Variants in EPHA5 observed in about 807,000 individuals in gnomAD.
EPHA5 encodes ephrin type-A receptor 5.
Under a neutral mutation model 105.0 loss-of-function variants are expected in EPHA5, and 60 were observed. That is an observed-to-expected ratio of 0.57 (90% CI 0.46 to 0.71). EPHA5 has a LOEUF of 0.71. Among genes scored for constraint, EPHA5 ranks in the 30% least tolerant of loss-of-function variants. The pLI is 0.00. For synonymous variants in EPHA5, 513 were observed against 449.1 expected (o/e 1.14, Z -1.80); for missense variants, 1,218 against 1,274.7 (o/e 0.96, Z 0.68).
At chr4:65,388,755 T>G (rs1290737691) in intron 8 of EPHA5, among the ~76,000 whole-genome samples, 1 of 149,170 alleles carries the variant, frequency 6.7e-6, no homozygotes, top group Non-Finnish European at 1.5e-5. Flanking sequence ...TTTCTCCCAT[T>G]TTGTAGGTTG....
chr4:65,420,417 C>A (rs746274870), intron 6 of EPHA5, 24 bp downstream of exon 6: 34 of 1,527,388 alleles, frequency 2.2e-5, no homozygotes, highest in Non-Finnish European at 2.9e-5. Context: ...AAAGTGAGGA[C>A]ATTTTTTATT....
intron 8 of EPHA5, among the ~76,000 whole-genome samples, chr4:65,386,676 C>T (rs1162426886): frequency 6.6e-6 from 1 of 151,696 alleles, no homozygotes. Flanking sequence ...TTTTTAATTG[C>T]TCATATAAAT....
At chr4:65,365,659 A>ATCTATATATATATC (rs1560457940) in intron 10 of EPHA5, among the ~76,000 whole-genome samples, 1 of 81,096 alleles carries the variant, frequency 1.2e-5, no homozygotes, top group Non-Finnish European at 2.8e-5. Context: ...CTATATATAT[A>ATCTATATATATATC]TATATATATA....
chr4:65,563,866 T>A (rs563898123), intron 3 of EPHA5, among the ~76,000 whole-genome samples: 10 of 151,966 alleles, frequency 6.6e-5, no homozygotes, highest in Non-Finnish European at 1.5e-4. Context: ...ATCAATAGTA[T>A]GTGTTCAGAA....
chr4:65,553,356 AC>A, intron 3 of EPHA5, among the ~76,000 whole-genome samples: 1 of 152,192 alleles, frequency 6.6e-6, no homozygotes, highest in South Asian at 2.1e-4. Flanking sequence ...GAAGAATGAT[AC>A]CTTGAAGGAC....
In EPHA5 at chr4:65,564,912, C is replaced by T. The variant is rs149004531; in HGVS notation, c.910+36729G>A. On this transcript the variant is annotated intron_variant, in intron 3 of 16. Coordinates refer to ENST00000613740, the MANE Select transcript of EPHA5 (RefSeq NM_001281766.3). ...ATGGAAATAAATTTCAAAATACTTT[C>T]ACTGTTAATTTATGACCTAATTTTA... Among the ~76,000 whole-genome samples the T allele has an allele frequency of 5.3e-4, 81 of 151,808 alleles. 2 individuals carry two copies. The East Asian group carries it at 0.013, about 24-fold the overall frequency.
chr4:65,457,554 G>A (rs1436682408), intron 5 of EPHA5, among the ~76,000 whole-genome samples: 1 of 151,934 alleles, frequency 6.6e-6, no homozygotes, highest in East Asian at 1.9e-4. Flanking sequence ...TTGCTTAAAG[G>A]TATACATCTC....
chr4:65,545,547 A>G (rs1411189213), intron 3 of EPHA5, among the ~76,000 whole-genome samples: 1 of 151,962 alleles, frequency 6.6e-6, no homozygotes, highest in Non-Finnish European at 1.5e-5. Flanking sequence ...ACACCCTTAT[A>G]GAACTTAACT....
chr4:65,452,799 T>G (rs1417966048), intron 5 of EPHA5, among the ~76,000 whole-genome samples: 1 of 152,144 alleles, frequency 6.6e-6, no homozygotes, highest in African/African-American at 2.4e-5. Flanking sequence ...TAAAAACAGT[T>G]TCTGCACTGT....
At chr4:65,578,823 G>A (rs922512942) in intron 3 of EPHA5, among the ~76,000 whole-genome samples, 8 of 151,988 alleles carry the variant, frequency 5.3e-5, no homozygotes, top group African/African-American at 1.9e-4. Flanking sequence ...GAAACTCAAT[G>A]CTGACTATAA....
chr4:65,586,028 G>C (rs969771130), intron 3 of EPHA5, among the ~76,000 whole-genome samples: 1 of 151,568 alleles, frequency 6.6e-6, no homozygotes, highest in South Asian at 2.1e-4. Flanking sequence ...AGGAAAATGA[G>C]GGAAAGAAAT....
At chr4:65,400,027 A>G (rs1240673353) in intron 8 of EPHA5, among the ~76,000 whole-genome samples, 2 of 152,216 alleles carry the variant, frequency 1.3e-5, no homozygotes, top group African/African-American at 4.8e-5. Context: ...TAAATAAAAA[A>G]GTCAATTTTA....
intron 3 of EPHA5, among the ~76,000 whole-genome samples, chr4:65,597,458 TAA>T (rs5858971): frequency 0.036 from 5,342 of 147,768 alleles, 307 homozygotes; most frequent in African/African-American, 0.12. Context: ...CATTTTTTAC[TAA>T]AAAAAAAAAG....
intron 14 of EPHA5, among the ~76,000 whole-genome samples, chr4:65,343,694 G>A (rs1173339541): frequency 1.3e-5 from 2 of 152,106 alleles, no homozygotes; most frequent in Non-Finnish European, 2.9e-5. Context: ...TGCTGTATCT[G>A]AAAACTAAAA....
At chr4:65,520,292 C>T (rs553374463) in intron 3 of EPHA5, among the ~76,000 whole-genome samples, 13 of 152,020 alleles carry the variant, frequency 8.6e-5, no homozygotes, top group Non-Finnish European at 1.5e-4. Flanking sequence ...ATTCCCTATT[C>T]AATAAATGGT....
intron 2 of EPHA5, among the ~76,000 whole-genome samples, chr4:65,608,605 TAAAG>T (rs1744467248): frequency 6.6e-6 from 1 of 152,046 alleles, no homozygotes; most frequent in African/African-American, 2.4e-5. Flanking sequence ...GCTCAAACAA[TAAAG>T]AGTCAAATAA....
At chr4:65,471,072 A>G (rs1729237850) in intron 5 of EPHA5, among the ~76,000 whole-genome samples, 1 of 152,186 alleles carries the variant, frequency 6.6e-6, no homozygotes, top group Admixed American at 6.5e-5. Context: ...CTTTGTCTAT[A>G]CATTTGTTCT....
chr4:65,664,881 TC>T (rs1229990918), intron 1 of EPHA5, among the ~76,000 whole-genome samples: 1 of 151,946 alleles, frequency 6.6e-6, no homozygotes, highest in Admixed American at 6.6e-5. Context: ...GACATGAAAT[TC>T]AAACCTCAGT....
At chr4:65,568,865 T>C (rs1262136033) in intron 3 of EPHA5, among the ~76,000 whole-genome samples, 1 of 151,142 alleles carries the variant, frequency 6.6e-6, no homozygotes, top group East Asian at 1.9e-4. Flanking sequence ...CTAGTGATCT[T>C]TAGTTTTAGT....
Sources: allele counts gnomAD v4.1 joint callset (sites outside exome capture counted in the v4.1 genomes callset), GRCh38; gene constraint gnomAD v4.1.1; transcripts MANE v1.5; gene names NCBI Gene and HGNC (gene_info 2026-07-23, HGNC 2026-07-21).